Variants in RFFL observed in about 807,000 individuals in gnomAD.
RFFL encodes E3 ubiquitin-protein ligase rififylin.
Under a neutral mutation model 40.4 loss-of-function variants are expected in RFFL, and 16 were observed. The observed-to-expected ratio is 0.40, with a 90% CI of 0.27 to 0.60. The LOEUF is 0.60. Among genes scored for constraint, RFFL ranks in the 20% least tolerant of loss-of-function variants. The pLI, the probability that RFFL is intolerant of heterozygous loss-of-function variation, is 0.47. For synonymous variants in RFFL, 154 were observed against 167.9 expected (o/e 0.92, Z 0.64); for missense variants, 367 against 451.7 (o/e 0.81, Z 1.70).
chr17:35,062,184 C>T (rs2091295586), intron 1 of RFFL, among the ~76,000 whole-genome samples: 1 of 148,898 alleles, frequency 6.7e-6, no homozygotes, highest in Admixed American at 6.6e-5. Context: ...GCAGGTGGAC[C>T]ATGAGGTCAA....
intron 2 of RFFL, among the ~76,000 whole-genome samples, chr17:35,023,972 A>G (rs1279620389): frequency 6.6e-6 from 1 of 152,210 alleles, no homozygotes; most frequent in Non-Finnish European, 1.5e-5. Context: ...GCTGTCAACA[A>G]ATGCAGGCAG....
At chr17:35,073,534 T>A (rs1303476431) in intron 1 of RFFL, among the ~76,000 whole-genome samples, 2 of 152,204 alleles carry the variant, frequency 1.3e-5, no homozygotes, top group Non-Finnish European at 2.9e-5. Flanking sequence ...TATGATTCTC[T>A]GGCCCATCCT....
In RFFL at chr17:35,017,722, C is replaced by T. The variant is rs2090983432; in HGVS notation, c.592-116G>A. ...TGTACTCCCATCATGCCCAGAAATC[C>T]GGAGCCTCTTACAGCATCATTACAA... On this transcript the variant is annotated intron_variant, in intron 3 of 6. Coordinates refer to ENST00000394597, the MANE Select transcript of RFFL (RefSeq NM_001017368.2). 18 of 712,436 alleles carry T rather than the reference C, an allele frequency of 2.5e-5. No individual in the cohort carries two copies. The East Asian group carries it at 3.6e-4, about 14-fold the overall frequency. The allele number at this position is 712,436 out of a possible 1,614,324, so 44.1% of individuals were successfully genotyped here. A position where few individuals can be genotyped will look rare whatever the true frequency, so the allele number is the denominator to read the frequency against.
chr17:35,042,265 G>GT (rs764124114), intron 1 of RFFL: 6 of 152,194 alleles, frequency 3.9e-5, no homozygotes, highest in Non-Finnish European at 7.3e-5. Flanking sequence ...ACTTTTAAAA[G>GT]TAAGTTAGTC....
chr17:35,070,029 A>G (rs1054312894), intron 1 of RFFL, among the ~76,000 whole-genome samples: 1 of 152,156 alleles, frequency 6.6e-6, no homozygotes, highest in Non-Finnish European at 1.5e-5. Context: ...ACATACATAT[A>G]TATACATACA....
chr17:35,021,613 C>G lies in RFFL; in HGVS notation c.349G>C (p.Asp117His), dbSNP rs760152076. The stretch of plus-strand genomic sequence containing the variant: ...TCCCGGCACATTTCGGTAGAGATGT[C>G]ATGGAGGCTGAGATAGTCCCTCAAG... ...KDLRDYLSLH[D>H]ISTEMCREKE... Residue 117 changes from aspartate (D) to histidine (H), a missense_variant, in exon 3 of 7, where the codon GAC becomes CAC. Coordinates refer to ENST00000394597, the MANE Select transcript of RFFL (RefSeq NM_001017368.2). 5.0e-6 allele frequency: 8 copies of G among 1,614,220 alleles called. No homozygotes were observed. The highest frequency in any genetic ancestry group is 6.8e-6 in the Non-Finnish European group (8 of 1,180,046).
At chr17:35,054,418 TAAC>T (rs1214806554) in intron 1 of RFFL, among the ~76,000 whole-genome samples, 1 of 152,202 alleles carries the variant, frequency 6.6e-6, no homozygotes, top group African/African-American at 2.4e-5. Flanking sequence ...GACTTTGTAG[TAAC>T]AAGGCTTGAT....
chr17:35,082,137 A>T (rs967605309), intron 1 of RFFL, among the ~76,000 whole-genome samples: 5 of 152,202 alleles, frequency 3.3e-5, no homozygotes, highest in African/African-American at 1.2e-4. Flanking sequence ...CATCCTGCCC[A>T]CAAAAGAGCT....
intron 1 of RFFL, among the ~76,000 whole-genome samples, chr17:35,079,163 C>T (rs2091391917): frequency 6.6e-6 from 1 of 152,124 alleles, no homozygotes; most frequent in Admixed American, 6.5e-5. Context: ...CCTGGGATTA[C>T]AGGCACGCAC....
intron 3 of RFFL, among the ~76,000 whole-genome samples, chr17:35,020,167 G>A (rs1436962982): frequency 1.3e-5 from 2 of 152,160 alleles, no homozygotes; most frequent in Non-Finnish European, 2.9e-5. Flanking sequence ...ATTTGCCCAA[G>A]GGGATCAAGA....
chr17:35,021,783 T>C lies in RFFL; in HGVS notation c.181-2A>G. The stretch of plus-strand genomic sequence containing the variant: ...TTTCTTACAGTCCAAGCAGGTCTGC[T>C]GCTTAGAGCAAAAGACACAGGAAAC... On this transcript the variant is annotated splice_acceptor_variant, in intron 2 of 6. Transcript: ENST00000394597. LOFTEE classifies it high-confidence loss of function. 1.2e-6 allele frequency: 2 copies of C among 1,614,198 alleles called. No individual in the cohort carries two copies. The highest frequency in any genetic ancestry group is 2.7e-5 in the African/African-American group (2 of 75,060).
At chr17:35,037,492 A>G (rs1443118166) in intron 1 of RFFL, among the ~76,000 whole-genome samples, 3 of 152,224 alleles carry the variant, frequency 2.0e-5, no homozygotes, top group Admixed American at 2.0e-4. Flanking sequence ...AAGTAATTAC[A>G]TATTTTGAGA....
At chr17:35,042,530 A>G (rs903510848) in intron 1 of RFFL, among the ~76,000 whole-genome samples, 2 of 152,140 alleles carry the variant, frequency 1.3e-5, no homozygotes, top group Admixed American at 6.6e-5. Flanking sequence ...TTTAGAATAA[A>G]TAATTCGGTG....
At chr17:35,020,012 G>A (rs1252242812) in intron 3 of RFFL, among the ~76,000 whole-genome samples, 2 of 152,178 alleles carry the variant, frequency 1.3e-5, no homozygotes, top group African/African-American at 4.8e-5. Flanking sequence ...TCATGTGTGG[G>A]AACCAACAGC....
intron 1 of RFFL, among the ~76,000 whole-genome samples, chr17:35,070,507 T>A (rs1009615360): frequency 2.0e-4 from 30 of 152,174 alleles, no homozygotes; most frequent in Admixed American, 1.8e-3. Flanking sequence ...TTTGATAACA[T>A]AAACCAAAAC....
Position 35,011,705 on chromosome 17 carries a change from T to A in RFFL, c.*263A>T, listed in dbSNP as rs1315826079. On this transcript the variant is annotated 3_prime_UTR_variant, in exon 7 of 7. Coordinates refer to ENST00000394597, the MANE Select transcript of RFFL (RefSeq NM_001017368.2). ...TCTGGAAAGTTCTCTGTTCATCAGT[T>A]ACCATCATCACTCCAAGATCACTGA... 6 of 433,008 alleles carry A rather than the reference T, an allele frequency of 1.4e-5. No homozygotes were observed. The highest frequency in any genetic ancestry group is 2.5e-5 in the Non-Finnish European group (6 of 237,372). 26.8% of individuals were successfully genotyped at this position (433,008 alleles called of 1,614,324 possible).
At chr17:35,047,365 T>C (rs940323340) in intron 1 of RFFL, among the ~76,000 whole-genome samples, 9 of 152,232 alleles carry the variant, frequency 5.9e-5, no homozygotes, top group Non-Finnish European at 1.0e-4. Context: ...ATAGAATGAA[T>C]TCTGGTGTTA....
In RFFL at chr17:35,010,396, A is replaced by G. The variant is rs910397363; in HGVS notation, c.*1572T>C. ...AGTCCTCCAGCTCCTCTAGGGGTGTAAAGACTGTGAGGGCTCAAATACATC... is the reference window on the plus strand; with the variant it reads ...AGTCCTCCAGCTCCTCTAGGGGTGTGAAGACTGTGAGGGCTCAAATACATC... On this transcript the variant is annotated 3_prime_UTR_variant, in exon 7 of 7. Coordinates refer to ENST00000394597, the MANE Select transcript of RFFL (RefSeq NM_001017368.2). The G allele has an allele frequency of 6.6e-6, 1 of 152,226 alleles. No individual in the cohort carries two copies. The highest frequency in any genetic ancestry group is 2.4e-5 in the African/African-American group (1 of 41,442). The allele number at this position is 152,226 out of a possible 1,614,324, so 9.4% of individuals were successfully genotyped here. A position where few individuals can be genotyped will look rare whatever the true frequency, so the allele number is the denominator to read the frequency against.
At chr17:35,014,785 G>A (rs556400249) in intron 5 of RFFL, 22 bp from the exon 6 acceptor site, 3 of 1,609,516 alleles carry the variant, frequency 1.9e-6, no homozygotes, top group African/African-American at 1.3e-5. Flanking sequence ...AGAGAAGGAT[G>A]TCTGAATAGG....
Sources: allele counts gnomAD v4.1 joint callset (sites outside exome capture counted in the v4.1 genomes callset), GRCh38; gene constraint gnomAD v4.1.1; transcripts MANE v1.5; gene names NCBI Gene and HGNC (gene_info 2026-07-23, HGNC 2026-07-21).